Variants in LIG3 observed in about 807,000 individuals in gnomAD.
LIG3 encodes DNA ligase 3.
A neutral mutation model predicts 110.9 loss-of-function variants in LIG3; 58 were observed. The ratio of observed to expected loss-of-function variants is 0.52; its 90% confidence interval spans 0.42 to 0.65. The LOEUF (loss-of-function observed/expected upper bound fraction) is 0.65. Among genes scored for constraint, LIG3 ranks in the 30% least tolerant of loss-of-function variants. The probability of loss-of-function intolerance (pLI) is 0.00; values close to 1 mark genes in which losing one functional copy is unlikely to be tolerated. For synonymous variants in LIG3, 422 were observed against 472.8 expected (o/e 0.89, Z 1.39); for missense variants, 1,094 against 1,273.8 (o/e 0.86, Z 2.15).
intron 10 of LIG3, 142 bp from the exon 11 acceptor site, chr17:34,996,432 C>CT: frequency 2.4e-6 from 2 of 824,434 alleles, no homozygotes; most frequent in South Asian, 3.3e-5. Context: ...GCTCAGTGCC[C>CT]TTATGGCCCA....
At chr17:34,983,791 G>A (rs2090629450) in intron 2 of LIG3, among the ~76,000 whole-genome samples, 1 of 152,156 alleles carries the variant, frequency 6.6e-6, no homozygotes, top group African/African-American at 2.4e-5. Context: ...ATGCCACCAT[G>A]CCCAGCCTTT....
rs374764251 is a variant in LIG3, at chr17:35,001,239, C to G, written c.2332-18C>G. On this transcript the variant is annotated intron_variant, in intron 16 of 19. Transcript: ENST00000378526. ...TATCTTCTTAACCAGTGATGACCTG[C>G]TGGCTTACTCCTGACAGAAAGCTGC... 5.6e-6 allele frequency: 9 copies of G among 1,611,764 alleles called. No individual in the cohort carries two copies. Among genetic ancestry groups the G allele is most frequent in the Non-Finnish European group, 7.6e-6 (9 of 1,178,128 alleles).
At chr17:34,989,014 C>CT (rs34029311) in intron 3 of LIG3, among the ~76,000 whole-genome samples, 3,879 of 147,698 alleles carry the variant, frequency 0.026, 156 homozygotes, top group African/African-American at 0.088. Context: ...CTTCTGACCA[C>CT]TTTTTTTTTT....
Position 34,999,671 on chromosome 17 carries a change from G to T in LIG3, c.2257-111G>T, listed in dbSNP as rs2074514. 959 of 1,148,384 alleles carry T rather than the reference G, an allele frequency of 8.4e-4. 6 individuals carry two copies. In the East Asian group the frequency reaches 0.018, roughly 22 times the overall value. 71.1% of individuals were successfully genotyped at this position (1,148,384 alleles called of 1,614,324 possible). A position where few individuals can be genotyped will look rare whatever the true frequency, so the allele number is the denominator to read the frequency against. Reference sequence around the variant, plus strand: ...CACTCTGGGCTGGGAGGATCACATGGCTCAAACATCAGCTGTTTAAGTGGC... The same window carrying T: ...CACTCTGGGCTGGGAGGATCACATGTCTCAAACATCAGCTGTTTAAGTGGC... On this transcript the variant is annotated intron_variant, in intron 15 of 19. Transcript: ENST00000378526.
rs3135983 is a variant in LIG3 at position 34,991,293 on chromosome 17, T to G, written c.1041+179T>G. ...ATGTGAGGCTATAGCTCTTAATTTC[T>G]TAAGTTTCTGAGGGTGGAAACCATA... On this transcript the variant is annotated intron_variant, in intron 5 of 19. Transcript: ENST00000378526. 529,854 of 628,980 alleles carry G rather than the reference T, an allele frequency of 0.84. 228,458 individuals are homozygous for G. Among genetic ancestry groups the G allele is most frequent in the Non-Finnish European group, 0.9 (335,601 of 373,242 alleles). The allele number at this position is 628,980 out of a possible 1,614,324, so 39.0% of individuals were successfully genotyped here.
chr17:34,990,896 C>T, intron 4 of LIG3, 67 bp from the exon 5 acceptor site: 1 of 1,526,478 alleles, frequency 6.6e-7, no homozygotes, highest in African/African-American at 1.4e-5. Context: ...CTTGCCCAGC[C>T]TTCTTTGAGT....
Position 34,986,109 on chromosome 17 carries a change from C to T in LIG3, c.669C>T (p.Pro223=). The T allele has an allele frequency of 6.2e-7, 1 of 1,614,098 alleles. No homozygotes were observed. The highest frequency in any genetic ancestry group is 1.1e-5 in the South Asian group (1 of 91,080). The change falls in exon 3 of 20, where the codon CCC becomes CCT. Residue 223 remains proline (P), a synonymous_variant. Transcript: ENST00000378526. ...CCTCATTTGTCACCAGTACCAATCC[C>T]CGGAAATTTTCTGGCTTTTCAGGTA... is the stretch of plus-strand genomic sequence containing the variant. The part of the protein sequence containing the change: ...KGASFVTSTN[P]RKFSGFSAKP...
chr17:35,005,051 A>AT lies in LIG3; in HGVS notation c.*552dup, dbSNP rs1326914890. 3.3e-6 allele frequency: 1 copy of AT among 302,036 alleles called. No individual in the cohort carries two copies. The highest frequency in any genetic ancestry group is 6.5e-6 in the Non-Finnish European group (1 of 152,770). 18.7% of individuals were successfully genotyped at this position (302,036 alleles called of 1,614,324 possible). A position where few individuals can be genotyped will look rare whatever the true frequency, so the allele number is the denominator to read the frequency against. Reference sequence around the variant, plus strand: ...CCTCATGTGAAAGAAAACAAAATGAATTTTTTTACTTTCTTCTCTGTGTTC... The same window carrying AT: ...CCTCATGTGAAAGAAAACAAAATGAATTTTTTTTACTTTCTTCTCTGTGTTC... On this transcript the variant is annotated 3_prime_UTR_variant, in exon 20 of 20. Transcript: ENST00000378526.
intron 19 of LIG3, 189 bp downstream of exon 19, chr17:35,002,978 C>T (rs563133248): frequency 1.2e-6 from 2 of 1,614,144 alleles, no homozygotes; most frequent in South Asian, 1.1e-5. Context: ...ACCCTATGTC[C>T]TCTTGTTGCC....
chr17:34,983,034 C>G lies in LIG3; in HGVS notation c.29C>G (p.Pro10Arg), dbSNP rs369544692. MSLAFKIFF[P>R]QTLRALSRKE... is the part of the protein sequence containing the mutation. Reference sequence around the variant, plus strand: ...TCTTTGGCTTTCAAGATCTTCTTTCCACAAACCCTCCGTGCACTCAGCCGA... The same window carrying G: ...TCTTTGGCTTTCAAGATCTTCTTTCGACAAACCCTCCGTGCACTCAGCCGA... Residue 10 changes from proline (P) to arginine (R), a missense_variant, in exon 2 of 20, where the codon CCA becomes CGA. Pro to Arg is a moderately radical substitution (Grantham distance 103, BLOSUM62 -2). Coordinates refer to ENST00000378526, the MANE Select transcript of LIG3 (RefSeq NM_013975.4). The G allele has an allele frequency of 6.9e-6, 11 of 1,596,316 alleles. No individual in the cohort carries two copies. The highest frequency in any genetic ancestry group is 3.5e-5 in the Admixed American group (2 of 57,442).
Position 34,999,774 on chromosome 17 carries a change from T to A in LIG3, c.2257-8T>A. 1 of 1,613,250 alleles carries A rather than the reference T, an allele frequency of 6.2e-7. No homozygotes were observed. Among genetic ancestry groups the A allele is most frequent in the Non-Finnish European group, 8.5e-7 (1 of 1,179,226 alleles). ...GAACAGCCCAAAGTAGCATCTTTTC[T>A]CCTCTAGGACCCCAGCAAAATACCC... On this transcript the variant is annotated splice_polypyrimidine_tract_variant and splice_region_variant and intron_variant, in intron 15 of 19. Coordinates refer to ENST00000378526, the MANE Select transcript of LIG3 (RefSeq NM_013975.4).
intron 11 of LIG3, 79 bp from the exon 12 acceptor site, chr17:34,997,659 T>C (rs2074517): frequency 0.031 from 31,174 of 1,013,882 alleles, 1,706 homozygotes; most frequent in East Asian, 0.22. Context: ...AGTTTTATCA[T>C]TGTGGCCCTT....
chr17:34,993,899 T>G (rs1047923566), intron 8 of LIG3, among the ~76,000 whole-genome samples: 16 of 152,200 alleles, frequency 1.1e-4, no homozygotes, highest in Non-Finnish European at 1.6e-4. Context: ...TAACCTTAGC[T>G]TCACATACCT....
chr17:34,998,748 CT>C, intron 14 of LIG3, 21 bp downstream of exon 14: 1 of 1,611,006 alleles, frequency 6.2e-7, no homozygotes, highest in South Asian at 1.1e-5. Context: ...CCTCTGCCCC[CT>C]GGGGTGGTAC....
In LIG3 at chr17:35,002,775, C is replaced by T. The variant is rs2090857744; in HGVS notation, c.2782C>T (p.Leu928=). The change falls in exon 19 of 20, where the codon CTG becomes TTG. Residue 928 remains leucine (L), a synonymous_variant. Transcript: ENST00000378526. ...GAAGCGGAAAGCTGCTGATGAGACG[C>T]TGTGCCAAACAAAGGTGAGGGTAAA... ...GEKRKAADET[L]CQTKVLLDIF... is the part of the protein sequence containing the mutation. 1 of 1,603,204 alleles carries T rather than the reference C, an allele frequency of 6.2e-7. No individual in the cohort carries two copies. The highest frequency in any genetic ancestry group is 8.5e-7 in the Non-Finnish European group (1 of 1,173,762).
In LIG3 at chr17:35,002,005, G is replaced by C. The variant is rs370744242; in HGVS notation, c.2575G>C (p.Gly859Arg). Reference sequence around the variant, plus strand: ...AGGGGGTAGCAGTGAAGAGAATAAGGGTCCCTCAGGGTCTGCTGTGTCCCG... The same window carrying C: ...AGGGGGTAGCAGTGAAGAGAATAAGCGTCCCTCAGGGTCTGCTGTGTCCCG... ...TTGGSSEENK[G>R]PSGSAVSRKA... Residue 859 changes from glycine (G) to arginine (R), a missense_variant, in exon 18 of 20, where the codon GGT becomes CGT. By Grantham distance (125) the Gly-to-Arg change is moderately radical (BLOSUM62 -2). Transcript: ENST00000378526. 3 of 1,612,704 alleles carry C rather than the reference G, an allele frequency of 1.9e-6. No homozygotes were observed. The African/African-American group carries it at 4.0e-5, about 22-fold the overall frequency.
intron 13 of LIG3, 115 bp downstream of exon 13, chr17:34,998,411 C>A: frequency 8.8e-7 from 1 of 1,135,568 alleles, no homozygotes. Context: ...GGGGTGGCTG[C>A]TGGGGAAGTG....
chr17:34,983,056 C>T lies in LIG3; in HGVS notation c.51C>T (p.Ser17=). 1 of 1,611,774 alleles carries T rather than the reference C, an allele frequency of 6.2e-7. No homozygotes were observed. Among genetic ancestry groups the T allele is most frequent in the Non-Finnish European group, 8.5e-7 (1 of 1,178,788 alleles). Residue 17 remains serine, a synonymous_variant, in exon 2 of 20, where the codon AGC becomes AGT. Coordinates refer to ENST00000378526, the MANE Select transcript of LIG3 (RefSeq NM_013975.4). ...IFFPQTLRAL[S]RKELCLFRKH... is the part of the protein sequence containing the mutation. The stretch of plus-strand genomic sequence containing the variant: ...TTCCACAAACCCTCCGTGCACTCAG[C>T]CGAAAAGAACTGTGCCTATTCCGAA...
At chr17:34,994,226 T>C in intron 8 of LIG3, 50 bp from the exon 9 acceptor site, 1 of 1,581,416 alleles carries the variant, frequency 6.3e-7, no homozygotes, top group Admixed American at 1.8e-5. Context: ...CTGTCGCTGC[T>C]TAGCAGCCCC....
Sources: allele counts gnomAD v4.1 joint callset (sites outside exome capture counted in the v4.1 genomes callset), GRCh38; gene constraint gnomAD v4.1.1; transcripts MANE v1.5; gene names NCBI Gene and HGNC (gene_info 2026-07-23, HGNC 2026-07-21).